Variants in RPRD2 observed in about 807,000 individuals in gnomAD.
RPRD2 encodes regulation of nuclear pre-mRNA domain containing 2, also known as regulation of nuclear pre-mRNA domain-containing protein 2.
A neutral mutation model predicts 104.4 loss-of-function variants in RPRD2; 12 were observed. The ratio of observed to expected loss-of-function variants is 0.11; its 90% confidence interval spans 0.07 to 0.19. The LOEUF (loss-of-function observed/expected upper bound fraction) is 0.19, where lower values mean the gene tolerates loss of function less well. RPRD2 is among the 10% of genes least tolerant of loss of function. RPRD2 has a pLI of 1.00. For missense variants in RPRD2, 1,543 were observed against 1,790.1 expected, an observed-to-expected ratio of 0.86 and a Z score of 2.49; for synonymous variants, 714 against 684.9, an observed-to-expected ratio of 1.04 and a Z score of -0.66.
intron 1 of RPRD2, among the ~76,000 whole-genome samples, chr1:150,373,993 A>T (rs1660523570): frequency 6.6e-6 from 1 of 152,164 alleles, no homozygotes. Flanking sequence ...TTGGGTCTTC[A>T]AGGTGATAAG....
intron 2 of RPRD2, among the ~76,000 whole-genome samples, chr1:150,427,380 G>A (rs1431882647): frequency 6.6e-6 from 1 of 151,934 alleles, no homozygotes; most frequent in East Asian, 1.9e-4. Context: ...AGCTAAGGCA[G>A]GAGAATTGCT....
intron 1 of RPRD2, among the ~76,000 whole-genome samples, chr1:150,380,425 A>AG (rs1283216243): frequency 6.6e-6 from 1 of 151,836 alleles, no homozygotes; most frequent in Non-Finnish European, 1.5e-5. Flanking sequence ...CCTGGGTTCA[A>AG]GCGATTCTCC....
chr1:150,423,863 G>C (rs1340444867), intron 2 of RPRD2, among the ~76,000 whole-genome samples: 1 of 151,298 alleles, frequency 6.6e-6, no homozygotes, highest in Non-Finnish European at 1.5e-5. Context: ...CGCGATCTCA[G>C]CTCACTGCAA....
At chr1:150,371,049 T>C (rs1660262797) in intron 1 of RPRD2, among the ~76,000 whole-genome samples, 1 of 152,206 alleles carries the variant, frequency 6.6e-6, no homozygotes, top group Admixed American at 6.5e-5. Context: ...CAAGCTGGTA[T>C]GTTTTTCAAA....
intron 1 of RPRD2, among the ~76,000 whole-genome samples, chr1:150,397,541 G>C (rs1272489707): frequency 5.9e-5 from 9 of 152,068 alleles, no homozygotes; most frequent in Admixed American, 5.9e-4. Context: ...GACTCTTCCA[G>C]AATGTCATGT....
chr1:150,475,887 A>AT lies in RPRD2; in HGVS notation c.*2554dup, dbSNP rs1432110749. On this transcript the variant is annotated 3_prime_UTR_variant, in exon 11 of 11. Coordinates refer to ENST00000369068, the MANE Select transcript of RPRD2 (RefSeq NM_015203.5). ...AAACAAGATATTTTTTAAAGAAAGCATAACATAGTGTGTCTTAGCAAGGAC... is the reference window on the plus strand; with the variant it reads ...AAACAAGATATTTTTTAAAGAAAGCATTAACATAGTGTGTCTTAGCAAGGAC... The AT allele has an allele frequency of 1.4e-5, 2 of 142,614 alleles. No homozygotes were observed. The highest frequency in any genetic ancestry group is 3.1e-5 in the Non-Finnish European group (2 of 64,768). The allele number at this position is 142,614 out of a possible 1,614,324, so 8.8% of individuals were successfully genotyped here.
At position 150,472,037 on chromosome 1, in the gene RPRD2, C is replaced by G; in HGVS notation, c.3089C>G (p.Pro1030Arg). Residue 1030 changes from proline (P) to arginine (R), a missense_variant, in exon 11 of 11, where the codon CCC becomes CGC. This residue lies in a region of RPRD2 where 880 missense variants were observed against 885.6 expected (regional missense o/e 0.99). Coordinates refer to ENST00000369068, the MANE Select transcript of RPRD2 (RefSeq NM_015203.5). ...GATGATAAGCATTTTGGCCAGGCTC[C>G]CAGCAAGGGCACTCCAAGTGATGGT... Reference protein sequence around the residue: ...PSDDKHFGQAPSKGTPSDGVS... With the variant: ...PSDDKHFGQARSKGTPSDGVS... 1 of 1,613,802 alleles carries G rather than the reference C, an allele frequency of 6.2e-7. No individual in the cohort carries two copies. Among genetic ancestry groups the G allele is most frequent in the Admixed American group, 1.7e-5 (1 of 60,002 alleles).
chr1:150,408,576 T>C (rs1560177564), intron 1 of RPRD2, among the ~76,000 whole-genome samples: 1 of 152,220 alleles, frequency 6.6e-6, no homozygotes, highest in Non-Finnish European at 1.5e-5. Flanking sequence ...CATGTACTTA[T>C]CATCCATATA....
intron 1 of RPRD2, among the ~76,000 whole-genome samples, chr1:150,386,219 C>T (rs1572369237): frequency 6.6e-6 from 1 of 152,124 alleles, no homozygotes; most frequent in East Asian, 1.9e-4. Flanking sequence ...AGTGATCCTC[C>T]CACCTTGGCC....
intron 1 of RPRD2, among the ~76,000 whole-genome samples, chr1:150,365,237 G>C (rs1170956822): frequency 1.2e-4 from 19 of 152,142 alleles, no homozygotes; most frequent in Admixed American, 1.2e-3. Flanking sequence ...CCGAACCTTC[G>C]CGGAAATTGT....
rs587686667 is a variant in RPRD2, at chr1:150,399,692, G to C, written c.206-17904G>C. On this transcript the variant is annotated intron_variant, in intron 1 of 10. Coordinates refer to ENST00000369068, the MANE Select transcript of RPRD2 (RefSeq NM_015203.5). Reference sequence around the variant, plus strand: ...GAATTGCTTAAACCTAGGAGGCAGAGGTTGCGGTGAGCAGAGATCACGCCA... The same window carrying C: ...GAATTGCTTAAACCTAGGAGGCAGACGTTGCGGTGAGCAGAGATCACGCCA... 3.5e-4 allele frequency among the ~76,000 whole-genome samples: 53 copies of C among 152,044 alleles called. 1 individual carries two copies. Among genetic ancestry groups the C allele is most frequent in the Middle Eastern group, 3.4e-3 (1 of 294 alleles).
intron 1 of RPRD2, among the ~76,000 whole-genome samples, chr1:150,414,166 T>G (rs1379613871): frequency 6.6e-6 from 1 of 152,188 alleles, no homozygotes; most frequent in Non-Finnish European, 1.5e-5. Flanking sequence ...CCAGGCTTGA[T>G]ATCTACAGAT....
chr1:150,434,970 T>G (rs1473252974), intron 2 of RPRD2, among the ~76,000 whole-genome samples: 1 of 152,214 alleles, frequency 6.6e-6, no homozygotes, highest in South Asian at 2.1e-4. Context: ...GTAATGTGGT[T>G]GTTTTTAGAA....
At chr1:150,385,705 A>G (rs1661512878) in intron 1 of RPRD2, among the ~76,000 whole-genome samples, 1 of 152,208 alleles carries the variant, frequency 6.6e-6, no homozygotes, top group South Asian at 2.1e-4. Context: ...GTTGGACTTC[A>G]GTATCATCTT....
intron 2 of RPRD2, among the ~76,000 whole-genome samples, chr1:150,433,825 A>ATAATATATATAATATATATAATATATG (rs376432383): frequency 7.0e-6 from 1 of 142,690 alleles, no homozygotes; most frequent in African/African-American, 2.7e-5. Flanking sequence ...TATATGTAAT[A>ATAATATATATAATATATATAATATATG]TAATATACAT....
intron 2 of RPRD2, among the ~76,000 whole-genome samples, chr1:150,420,930 C>G (rs1553889549): frequency 6.6e-6 from 1 of 152,206 alleles, no homozygotes; most frequent in Non-Finnish European, 1.5e-5. Flanking sequence ...GGGGGCAACC[C>G]TTTTCTGTAA....
chr1:150,378,979 TAAAA>T (rs782457070), intron 1 of RPRD2, among the ~76,000 whole-genome samples: 9 of 84,036 alleles, frequency 1.1e-4, no homozygotes, highest in African/African-American at 1.9e-4. Context: ...GAGACTTCAT[TAAAA>T]AAAAAAAAAA....
Position 150,364,166 on chromosome 1 carries a change from T to C in RPRD2, c.-549T>C, listed in dbSNP as rs1375760487. Among the ~76,000 whole-genome samples the C allele has an allele frequency of 6.6e-6, 1 of 152,210 alleles. No homozygotes were observed. Among genetic ancestry groups the C allele is most frequent in the East Asian group, 1.9e-4 (1 of 5,190 alleles). On this transcript the variant is annotated 5_prime_UTR_variant, in exon 1 of 11. Transcript: ENST00000369068. ...CGCGATACTGTTGCTGCCCCTTTGCTGCTATTGCGTTGCAAAAAAAATCCT... is the reference window on the plus strand; with the variant it reads ...CGCGATACTGTTGCTGCCCCTTTGCCGCTATTGCGTTGCAAAAAAAATCCT...
intron 8 of RPRD2, among the ~76,000 whole-genome samples, chr1:150,459,131 G>A (rs1311842582): frequency 6.6e-6 from 1 of 152,124 alleles, no homozygotes; most frequent in African/African-American, 2.4e-5. Context: ...CACACTTTCA[G>A]AAATAACCTG....
Sources: allele counts gnomAD v4.1 joint callset (sites outside exome capture counted in the v4.1 genomes callset), GRCh38; gene constraint gnomAD v4.1.1; regional missense constraint gnomAD v4.1.1; transcripts MANE v1.5; gene names NCBI Gene and HGNC (gene_info 2026-07-23, HGNC 2026-07-21).